The following SYNPR variants were observed in gnomAD, a reference collection of about 807,000 sequenced individuals.
SYNPR encodes the protein synaptoporin.
A neutral mutation model predicts 32.9 loss-of-function variants in SYNPR; 23 were observed. That is an observed-to-expected ratio of 0.70 (90% confidence interval 0.50 to 0.99). The LOEUF (loss-of-function observed/expected upper bound fraction) is 0.99. SYNPR is among the 50% of genes least tolerant of loss of function. The probability of loss-of-function intolerance (pLI) is 0.00; values close to 1 mark genes in which losing one functional copy is unlikely to be tolerated. For synonymous variants in SYNPR, 146 were observed against 135.9 expected, an observed-to-expected ratio of 1.07 and a Z score of -0.52; for missense variants, 318 against 349.3, an observed-to-expected ratio of 0.91 and a Z score of 0.71.
rs1159947180 is a variant in SYNPR at position 63,245,710 on chromosome 3, AGTGTGTGTGTGT to A, written n.67-6770_67-6759del. ...GAGAGAGAGAGAGAGAGAGAGAGAG[AGTGTGTGTGTGT>A]GTGTGTGTGTGTGTGTGTATGTGTG... On this transcript the variant is annotated intron_variant and non_coding_transcript_variant, in intron 1 of 4. Transcript: ENST00000478456. 1.8e-4 allele frequency among the ~76,000 whole-genome samples: 8 copies of A among 44,254 alleles called. No individual in the cohort carries two copies. In the East Asian group the frequency reaches 2.6e-3, roughly 15 times the overall value. 29.0% of individuals were successfully genotyped at this position (44,254 alleles called of 152,430 possible). A position where few individuals can be genotyped will look rare whatever the true frequency, so the allele number is the denominator to read the frequency against.
intron 4 of SYNPR, among the ~76,000 whole-genome samples, chr3:63,593,107 A>G (rs1699867029): frequency 6.6e-6 from 1 of 152,122 alleles, no homozygotes; most frequent in Non-Finnish European, 1.5e-5. Flanking sequence ...CTCAATGAAG[A>G]TCAAGCAGAA....
chr3:63,273,362 A>G (rs575512636), upstream of SYNPR, among the ~76,000 whole-genome samples: 1 of 152,294 alleles, frequency 6.6e-6, no homozygotes, highest in African/African-American at 2.4e-5. Context: ...TCATCTGCAT[A>G]ATGGAAGTAA....
chr3:63,524,037 C>T (rs1057415875), intron 3 of SYNPR, among the ~76,000 whole-genome samples: 6 of 151,936 alleles, frequency 3.9e-5, no homozygotes, highest in Non-Finnish European at 7.4e-5. Context: ...ATCCAAAATA[C>T]CATATCCACA....
At chr3:63,567,342 C>T (rs4467452) in intron 4 of SYNPR, among the ~76,000 whole-genome samples, 2,776 of 152,216 alleles carry the variant, frequency 0.018, 81 homozygotes, top group African/African-American at 0.063. Flanking sequence ...AACACAATAG[C>T]GTAACAGGAT....
At chr3:63,218,106 C>T in the SYNPR span, among the ~76,000 whole-genome samples, 64 of 152,126 alleles carry the variant, frequency 4.2e-4, no homozygotes, top group African/African-American at 1.5e-3. Context: ...GCACACCAGC[C>T]TGAGTAACAG....
intron 3 of SYNPR, among the ~76,000 whole-genome samples, chr3:63,530,998 G>A (rs1030382231): frequency 6.6e-6 from 1 of 152,020 alleles, no homozygotes; most frequent in African/African-American, 2.4e-5. Context: ...CTGGGCTCTG[G>A]TCCTGGCTGT....
chr3:63,597,614 CT>C (rs1002287363), intron 4 of SYNPR, among the ~76,000 whole-genome samples: 1 of 152,168 alleles, frequency 6.6e-6, no homozygotes, highest in Non-Finnish European at 1.5e-5. Flanking sequence ...GCAACCCAAA[CT>C]TCAGAAAACC....
intron 2 of SYNPR, among the ~76,000 whole-genome samples, chr3:63,351,989 G>A (rs888469784): frequency 6.6e-6 from 1 of 152,152 alleles, no homozygotes; most frequent in Non-Finnish European, 1.5e-5. Flanking sequence ...AATGTGGGAT[G>A]GAAAATATGA....
chr3:63,563,378 A>G (rs1030650160), intron 4 of SYNPR, among the ~76,000 whole-genome samples: 9 of 152,188 alleles, frequency 5.9e-5, no homozygotes, highest in African/African-American at 2.2e-4. Flanking sequence ...AGAAAATAAC[A>G]AAGAGATATG....
chr3:63,565,605 C>T (rs1702769384), intron 4 of SYNPR, among the ~76,000 whole-genome samples: 1 of 152,152 alleles, frequency 6.6e-6, no homozygotes, highest in Admixed American at 6.5e-5. Context: ...ATCACATTGA[C>T]AACACAAGGC....
chr3:63,320,972 C>G (rs1232012409), intron 2 of SYNPR, among the ~76,000 whole-genome samples: 1 of 151,930 alleles, frequency 6.6e-6, no homozygotes, highest in Non-Finnish European at 1.5e-5. Flanking sequence ...TTTTGAAAGC[C>G]AGAAGCCTTA....
At chr3:63,431,589 G>T (rs1699995131) in intron 2 of SYNPR, among the ~76,000 whole-genome samples, 2 of 152,104 alleles carry the variant, frequency 1.3e-5, no homozygotes, top group East Asian at 1.9e-4. Flanking sequence ...GTAGAGTCAT[G>T]GTTGGCCAAG....
At chr3:63,367,156 T>C (rs573665001) in intron 2 of SYNPR, among the ~76,000 whole-genome samples, 1 of 152,310 alleles carries the variant, frequency 6.6e-6, no homozygotes, top group South Asian at 2.1e-4. Flanking sequence ...TTTGAGATTG[T>C]TGAGATATTA....
In SYNPR at chr3:63,337,044, C is replaced by T. The variant is rs754983324; in HGVS notation, c.84+58302C>T. ...GTCAGGAGTTCGAGACCAGCCTGGC[C>T]AACATGGTGAAATCTTGTCTCCACT... is the stretch of plus-strand genomic sequence containing the variant. On this transcript the variant is annotated intron_variant, in intron 2 of 5. Coordinates refer to ENST00000478300, the MANE Select transcript of SYNPR (RefSeq NM_001130003.2). Among the ~76,000 whole-genome samples, 45 of 151,860 alleles carry T rather than the reference C, an allele frequency of 3.0e-4. 1 individual carries two copies. The highest frequency in any genetic ancestry group is 9.8e-4 in the Admixed American group (15 of 15,252).
chr3:63,495,241 G>A (rs560850319), intron 3 of SYNPR, among the ~76,000 whole-genome samples: 2 of 152,306 alleles, frequency 1.3e-5, no homozygotes, highest in African/African-American at 4.8e-5. Context: ...AAATGACAGG[G>A]TTTTCTAAGA....
chr3:63,557,734 TAAC>T, intron 4 of SYNPR, among the ~76,000 whole-genome samples: 1 of 152,370 alleles, frequency 6.6e-6, no homozygotes, highest in East Asian at 1.9e-4. Context: ...GGTATTGCTA[TAAC>T]AAAACTCCAT....
chr3:63,272,100 T>C (rs559926421), intron 3 of SYNPR, among the ~76,000 whole-genome samples: 2 of 152,344 alleles, frequency 1.3e-5, no homozygotes, highest in African/African-American at 4.8e-5. Context: ...GTTAATATCA[T>C]AGACCATCTC....
chr3:63,343,548 G>T (rs1303310657), intron 2 of SYNPR, among the ~76,000 whole-genome samples: 1 of 152,040 alleles, frequency 6.6e-6, no homozygotes, highest in African/African-American at 2.4e-5. Flanking sequence ...GTAAGGACTG[G>T]GTACAACCCT....
chr3:63,200,648 T>C, the SYNPR span, among the ~76,000 whole-genome samples: 2 of 152,304 alleles, frequency 1.3e-5, no homozygotes, highest in East Asian at 3.9e-4. Flanking sequence ...CCAAAGTTTC[T>C]CTGCAAATAC....
Sources: allele counts gnomAD v4.1 joint callset (sites outside exome capture counted in the v4.1 genomes callset), GRCh38; gene constraint gnomAD v4.1.1; transcripts MANE v1.5; gene names NCBI Gene and HGNC (gene_info 2026-07-23, HGNC 2026-07-21).